KIRREL3: variants seen among roughly 807,000 people sequenced by gnomAD.
The protein encoded by KIRREL3 is kirre like nephrin family adhesion molecule 3, also known as kin of IRRE-like protein 3.
KIRREL3 carries 36 observed loss-of-function variants against 89.7 expected under a neutral mutation model. The observed-to-expected ratio is 0.40, with a 90% CI of 0.31 to 0.53. The LOEUF (loss-of-function observed/expected upper bound fraction) is 0.53. Among genes scored for constraint, KIRREL3 ranks in the 20% least tolerant of loss-of-function variants. The pLI is 0.49. For synonymous variants in KIRREL3, 445 were observed against 441.4 expected (o/e 1.01, Z -0.10); for missense variants, 864 against 1,056.6 (o/e 0.82, Z 2.53).
Position 126,628,508 on chromosome 11 carries a change from C to T in KIRREL3, c.56-65596G>A, listed in dbSNP as rs1013824064. On this transcript the variant is annotated intron_variant, in intron 1 of 16. Transcript: ENST00000525144. This position sits in a 1 kb window ranked among gnomAD's most constrained non-coding sequence, Gnocchi z 5.2. ...TTGCTGAGCAGGAAGAACAGTATAT[C>T]CCGTTCTCCTAGCTCTCAAAACAAT... is the stretch of plus-strand genomic sequence containing the variant. Among the ~76,000 whole-genome samples the T allele has an allele frequency of 5.9e-5, 9 of 152,166 alleles. No individual in the cohort carries two copies. Among genetic ancestry groups the T allele is most frequent in the African/African-American group, 2.2e-4 (9 of 41,440 alleles).
rs187389941 is a variant in KIRREL3 at position 126,621,588 on chromosome 11, C to A, written c.56-58676G>T. Among the ~76,000 whole-genome samples the A allele has an allele frequency of 7.3e-4, 111 of 152,276 alleles. 1 individual carries two copies. The highest frequency in any genetic ancestry group is 2.5e-3 in the African/African-American group (105 of 41,560). ...CAAAATGATACTACTCTTAGATACA[C>A]TCTTTATAAGAACCATCTTGGTTGA... On this transcript the variant is annotated intron_variant, in intron 1 of 16. Transcript: ENST00000525144.
In KIRREL3 at chr11:126,476,633, G is replaced by A. The variant is rs905999370; in HGVS notation, c.434-3167C>T. On this transcript the variant is annotated intron_variant, in intron 4 of 16. Coordinates refer to ENST00000525144, the MANE Select transcript of KIRREL3 (RefSeq NM_032531.4). This position sits in a 1 kb window ranked among gnomAD's most constrained non-coding sequence, Gnocchi z 6.4. ...AGCCAGGCATTATTGATTGGTCTTC[G>A]CTTCACTGCACACCAGATGGGGGTG... Among the ~76,000 whole-genome samples, 1 of 128,844 alleles carries A rather than the reference G, an allele frequency of 7.8e-6. No individual in the cohort carries two copies. The highest frequency in any genetic ancestry group is 2.9e-5 in the African/African-American group (1 of 34,258). 84.5% of individuals were successfully genotyped at this position (128,844 alleles called of 152,430 possible).
At position 126,669,569 on chromosome 11, in the gene KIRREL3, A is replaced by G. The variant is rs1945843164; in HGVS notation, c.56-106657T>C. Reference sequence around the variant, plus strand: ...CCAGTGCATGGGTACAGATCTCAGTAGCACACATGGAACATTTGCTAACTC... The same window carrying G: ...CCAGTGCATGGGTACAGATCTCAGTGGCACACATGGAACATTTGCTAACTC... On this transcript the variant is annotated intron_variant, in intron 1 of 16. Coordinates refer to ENST00000525144, the MANE Select transcript of KIRREL3 (RefSeq NM_032531.4). This position sits in a 1 kb window ranked among gnomAD's most constrained non-coding sequence, Gnocchi z 5.0. Among the ~76,000 whole-genome samples, 1 of 152,178 alleles carries G rather than the reference A, an allele frequency of 6.6e-6. No individual in the cohort carries two copies.
At position 126,669,967 on chromosome 11, in the gene KIRREL3, G is replaced by A. The variant is rs949061860; in HGVS notation, c.56-107055C>T. ...AGTGCATTGCAGCACCATCCACCCC[G>A]TTGCTCAAGCTCATGCCTCAGTCTC... is the stretch of plus-strand genomic sequence containing the variant. On this transcript the variant is annotated intron_variant, in intron 1 of 16. Transcript: ENST00000525144. The surrounding 1 kb of genome is among the most constrained non-coding windows in gnomAD (Gnocchi z 5.0). 2.0e-5 allele frequency among the ~76,000 whole-genome samples: 3 copies of A among 152,100 alleles called. No individual in the cohort carries two copies. Among genetic ancestry groups the A allele is most frequent in the African/African-American group, 4.8e-5 (2 of 41,416 alleles).
At chr11:126,458,682 C>G (rs1273868816) in intron 6 of KIRREL3, among the ~76,000 whole-genome samples, 1 of 152,160 alleles carries the variant, frequency 6.6e-6, no homozygotes, top group Non-Finnish European at 1.5e-5. Flanking sequence ...TAGTTCCAGA[C>G]GGGGGACCAC....
In KIRREL3 at chr11:126,860,980, C is replaced by T. The variant is rs183713872; in HGVS notation, c.55+139475G>A. Among the ~76,000 whole-genome samples the T allele has an allele frequency of 6.6e-6, 1 of 152,304 alleles. No homozygotes were observed. The highest frequency in any genetic ancestry group is 6.5e-5 in the Admixed American group (1 of 15,308). On this transcript the variant is annotated intron_variant, in intron 1 of 16. Coordinates refer to ENST00000525144, the MANE Select transcript of KIRREL3 (RefSeq NM_032531.4). This position sits in a 1 kb window ranked among gnomAD's most constrained non-coding sequence, Gnocchi z 4.6. ...GCAAACAAATTCTCCCTCCTTTGTG[C>T]CCTCCTGCTTTATGTGTGTAGCCTT...
In KIRREL3 at chr11:126,458,870, G is replaced by A. The variant is rs1031173660; in HGVS notation, c.743-2416C>T. 5.3e-5 allele frequency among the ~76,000 whole-genome samples: 8 copies of A among 152,292 alleles called. No individual in the cohort carries two copies. In the South Asian group the frequency reaches 6.2e-4, roughly 12 times the overall value. On this transcript the variant is annotated intron_variant, in intron 6 of 16. Transcript: ENST00000525144. ...ACGCTCCTCCCACCCCCAGAACCCC[G>A]TGACCTCTCCTCGAAGCTGCACCCT... is the stretch of plus-strand genomic sequence containing the variant.
rs545061854 is a variant in KIRREL3, at chr11:126,553,844, T to C, written c.133+8991A>G. ...CAGAGGCCTCTACCATTGTTCATTTTTTTCCATCACTATTAGGAAAACAGC... is the reference window on the plus strand; with the variant it reads ...CAGAGGCCTCTACCATTGTTCATTTCTTTCCATCACTATTAGGAAAACAGC... On this transcript the variant is annotated intron_variant, in intron 2 of 16. Coordinates refer to ENST00000525144, the MANE Select transcript of KIRREL3 (RefSeq NM_032531.4). This position sits in a 1 kb window ranked among gnomAD's most constrained non-coding sequence, Gnocchi z 4.7. 6.6e-6 allele frequency among the ~76,000 whole-genome samples: 1 copy of C among 152,176 alleles called. No homozygotes were observed. The highest frequency in any genetic ancestry group is 2.4e-5 in the African/African-American group (1 of 41,434).
Position 126,579,850 on chromosome 11 carries a change from C to CG in KIRREL3, c.56-16939_56-16938insC, listed in dbSNP as rs1941448367. On this transcript the variant is annotated intron_variant, in intron 1 of 16. Coordinates refer to ENST00000525144, the MANE Select transcript of KIRREL3 (RefSeq NM_032531.4). The surrounding 1 kb of genome is among the most constrained non-coding windows in gnomAD (Gnocchi z 5.3). ...AGGTCCTTAAAAGAGGGAGCCAAGTCATTTTTTTTTTTTGAGGCAGAGTCT... is the reference window on the plus strand; with the variant it reads ...AGGTCCTTAAAAGAGGGAGCCAAGTCGATTTTTTTTTTTTGAGGCAGAGTCT... Among the ~76,000 whole-genome samples, 1 of 17,092 alleles carries CG rather than the reference C, an allele frequency of 5.9e-5. No homozygotes were observed. The highest frequency in any genetic ancestry group is 9.9e-5 in the Non-Finnish European group (1 of 10,108). The allele number at this position is 17,092 out of a possible 152,430, so 11.2% of individuals were successfully genotyped here.
intron 1 of KIRREL3, among the ~76,000 whole-genome samples, chr11:126,784,447 C>G (rs1950420755): frequency 6.6e-6 from 1 of 152,152 alleles, no homozygotes; most frequent in South Asian, 2.1e-4. Context: ...TGAACATAGC[C>G]TCATGTTAGG....
rs548967416 is a variant in KIRREL3 at position 126,564,593 on chromosome 11, C to T, written c.56-1681G>A. On this transcript the variant is annotated intron_variant, in intron 1 of 16. Transcript: ENST00000525144. The surrounding 1 kb of genome is among the most constrained non-coding windows in gnomAD (Gnocchi z 7.4). ...AGGCTTAGCCAAACCGCCCTCACTT[C>T]AAACGGTCTTACATCTCAGGCACCC... 6.6e-6 allele frequency among the ~76,000 whole-genome samples: 1 copy of T among 152,350 alleles called. No homozygotes were observed. The highest frequency in any genetic ancestry group is 2.1e-4 in the South Asian group (1 of 4,826).
rs984926554 is a variant in KIRREL3, at chr11:126,611,997, C to A, written c.56-49085G>T. ...AGCCCACCTCCTCAAGCAAGCCTCC[C>A]AGCCCAGTCAGCCCCTGTGCACTCT... On this transcript the variant is annotated intron_variant, in intron 1 of 16. Transcript: ENST00000525144. The surrounding 1 kb of genome is among the most constrained non-coding windows in gnomAD (Gnocchi z 4.7). Among the ~76,000 whole-genome samples the A allele has an allele frequency of 1.3e-5, 2 of 152,206 alleles. No homozygotes were observed. The highest frequency in any genetic ancestry group is 2.9e-5 in the Non-Finnish European group (2 of 68,032).
At chr11:126,888,347 C>T (rs1945778455) in intron 1 of KIRREL3, among the ~76,000 whole-genome samples, 1 of 152,154 alleles carries the variant, frequency 6.6e-6, no homozygotes, top group African/African-American at 2.4e-5. Context: ...TCCCACTCTG[C>T]TGTGCTGTGA....
intron 1 of KIRREL3, among the ~76,000 whole-genome samples, chr11:126,745,506 A>C (rs1417849909): frequency 2.0e-5 from 3 of 150,268 alleles, no homozygotes; most frequent in East Asian, 1.9e-4. Flanking sequence ...AAAAAAAAAA[A>C]ACAAAACCCA....
At position 126,860,474 on chromosome 11, in the gene KIRREL3, G is replaced by A. The variant is rs1362582892; in HGVS notation, c.55+139981C>T. ...GAAGGGAGGAAGAGCATTCCAGGCA[G>A]AAGGAAGAGTTTGAGCAAAGGAGGA... On this transcript the variant is annotated intron_variant, in intron 1 of 16. Coordinates refer to ENST00000525144, the MANE Select transcript of KIRREL3 (RefSeq NM_032531.4). This position sits in a 1 kb window ranked among gnomAD's most constrained non-coding sequence, Gnocchi z 4.6. 6.6e-6 allele frequency among the ~76,000 whole-genome samples: 1 copy of A among 152,098 alleles called. No homozygotes were observed. The highest frequency in any genetic ancestry group is 2.4e-5 in the African/African-American group (1 of 41,394).
In KIRREL3 at chr11:126,562,782, A is replaced by G. The variant is rs1591743017; in HGVS notation, c.133+53T>C. On this transcript the variant is annotated intron_variant, in intron 2 of 16. Coordinates refer to ENST00000525144, the MANE Select transcript of KIRREL3 (RefSeq NM_032531.4). This position sits in a 1 kb window ranked among gnomAD's most constrained non-coding sequence, Gnocchi z 4.7. ...TTCCTCTGTCCTGTGGCTGTAGGGG[A>G]GAGCTTCCTCCCTCCAGATTACTCC... 7 of 1,457,308 alleles carry G rather than the reference A, an allele frequency of 4.8e-6. No homozygotes were observed. The highest frequency in any genetic ancestry group is 6.7e-6 in the Non-Finnish European group (7 of 1,037,952). 90.3% of individuals were successfully genotyped at this position (1,457,308 alleles called of 1,614,324 possible). A position where few individuals can be genotyped will look rare whatever the true frequency, so the allele number is the denominator to read the frequency against.
In KIRREL3 at chr11:126,685,857, G is replaced by A. The variant is rs972532022; in HGVS notation, c.56-122945C>T. ...GGGCAGATGGCCGACCCACTGGATC[G>A]GGGCCACTGGAGACTTTTTCCCTCA... is the stretch of plus-strand genomic sequence containing the variant. On this transcript the variant is annotated intron_variant, in intron 1 of 16. Transcript: ENST00000525144. This position sits in a 1 kb window ranked among gnomAD's most constrained non-coding sequence, Gnocchi z 5.5. 1.3e-5 allele frequency among the ~76,000 whole-genome samples: 2 copies of A among 152,200 alleles called. No individual in the cohort carries two copies. The highest frequency in any genetic ancestry group is 2.9e-5 in the Non-Finnish European group (2 of 68,034).
chr11:126,812,528 T>G lies in KIRREL3; in HGVS notation c.55+187927A>C, dbSNP rs1951424956. 1.3e-5 allele frequency among the ~76,000 whole-genome samples: 2 copies of G among 152,284 alleles called. No individual in the cohort carries two copies. Among genetic ancestry groups the G allele is most frequent in the South Asian group, 4.2e-4 (2 of 4,816 alleles). On this transcript the variant is annotated intron_variant, in intron 1 of 16. Coordinates refer to ENST00000525144, the MANE Select transcript of KIRREL3 (RefSeq NM_032531.4). The surrounding 1 kb of genome is among the most constrained non-coding windows in gnomAD (Gnocchi z 5.2). ...ACACGAGTCAGTTCTGCCACTCCAG[T>G]ACTCCGCACGGTGTCTGGCACACAG...
chr11:126,726,415 T>TGGAG (rs1414585935), intron 1 of KIRREL3, among the ~76,000 whole-genome samples: 1 of 152,134 alleles, frequency 6.6e-6, no homozygotes, highest in African/African-American at 2.4e-5. Context: ...TTGCCCAGGC[T>TGGAG]GGAGGGCGGT....
Sources: allele counts gnomAD v4.1 joint callset (sites outside exome capture counted in the v4.1 genomes callset), GRCh38; gene constraint gnomAD v4.1.1; non-coding constraint Gnocchi (gnomAD v3.1); transcripts MANE v1.5; gene names NCBI Gene and HGNC (gene_info 2026-07-23, HGNC 2026-07-21).